Variants in SLC4A8 observed in about 807,000 individuals in gnomAD.
The protein encoded by SLC4A8 is electroneutral sodium bicarbonate exchanger 1.
SLC4A8 carries 40 observed loss-of-function variants against 125.0 expected under a neutral mutation model. That is an observed-to-expected ratio of 0.32 (90% CI 0.25 to 0.42). The LOEUF (loss-of-function observed/expected upper bound fraction) is 0.42. Ranked by LOEUF, SLC4A8 falls within the 10% of genes least tolerant of loss-of-function variation. The pLI is 1.00. For missense variants in SLC4A8, 863 were observed against 1,355.1 expected (o/e 0.64, Z 5.70); for synonymous variants, 456 against 476.0 (o/e 0.96, Z 0.55).
At chr12:51,394,674 C>T (rs146379513) in intron 1 of SLC4A8, among the ~76,000 whole-genome samples, 40 of 152,170 alleles carry the variant, frequency 2.6e-4, no homozygotes, top group Middle Eastern at 3.4e-3. Context: ...ACAACAGGCA[C>T]GGGGGCCCAC....
chr12:51,502,927 T>C (rs1479045868), intron 22 of SLC4A8, among the ~76,000 whole-genome samples: 4 of 150,834 alleles, frequency 2.7e-5, no homozygotes, highest in South Asian at 4.2e-4. Context: ...CTGCAAGCTC[T>C]GCCTCCCAGG....
At chr12:51,437,960 G>T (rs1249080477) in intron 1 of SLC4A8, among the ~76,000 whole-genome samples, 1 of 152,040 alleles carries the variant, frequency 6.6e-6, no homozygotes, top group Non-Finnish European at 1.5e-5. Context: ...GATAGGATAG[G>T]TGCCATTATA....
At chr12:51,502,264 C>G (rs771358711) in intron 22 of SLC4A8, 2 of 152,280 alleles carry the variant, frequency 1.3e-5, no homozygotes, top group Admixed American at 6.5e-5. Context: ...GAGACAGAGT[C>G]TTGCTCTGTC....
chr12:51,486,100 A>G (rs1951155810), intron 17 of SLC4A8, among the ~76,000 whole-genome samples, 200 bp downstream of exon 17: 1 of 152,202 alleles, frequency 6.6e-6, no homozygotes, highest in African/African-American at 2.4e-5. Context: ...GAGAACAGAA[A>G]AACCAAGGTT....
At chr12:51,473,596 G>C (rs1302930896) in intron 14 of SLC4A8, among the ~76,000 whole-genome samples, 1 of 152,194 alleles carries the variant, frequency 6.6e-6, no homozygotes, top group Non-Finnish European at 1.5e-5. Flanking sequence ...TAAATTCACA[G>C]ACCATACAAA....
upstream of SLC4A8, chr12:51,421,884 C>T (rs1948796716): frequency 6.6e-6 from 1 of 152,330 alleles, no homozygotes; most frequent in South Asian, 2.1e-4. Flanking sequence ...AGAAGCTCTC[C>T]CTATCCCATG....
chr12:51,458,540 T>C lies in SLC4A8; in HGVS notation c.764-19T>C, dbSNP rs1404388065. The C allele has an allele frequency of 1.3e-6, 2 of 1,593,044 alleles. No individual in the cohort carries two copies. Among genetic ancestry groups the C allele is most frequent in the Admixed American group, 1.7e-5 (1 of 59,962 alleles). Reference sequence around the variant, plus strand: ...AAAAGGGCAGGGACTCAGGATTTTGTTTTATTTTCTCCAAATAGGTCAAAC... The same window carrying C: ...AAAAGGGCAGGGACTCAGGATTTTGCTTTATTTTCTCCAAATAGGTCAAAC... On this transcript the variant is annotated intron_variant, in intron 6 of 24. Transcript: ENST00000453097.
At chr12:51,462,247 C>A in intron 9 of SLC4A8, 63 bp from the exon 10 acceptor site, 1 of 1,393,504 alleles carries the variant, frequency 7.2e-7, no homozygotes, top group Non-Finnish European at 1.0e-6. Flanking sequence ...TCACCATATC[C>A]ATTGGTGATT....
At position 51,450,941 on chromosome 12, in the gene SLC4A8, A is replaced by C. The variant is rs745332713; in HGVS notation, c.196A>C (p.Thr66Pro). The change falls in exon 3 of 25, where the codon ACT becomes CCT. Residue 66 changes from threonine to proline, a missense_variant. By Grantham distance (38) the Thr-to-Pro change is conservative. This residue lies in a region of SLC4A8 where 104 missense variants were observed against 116.4 expected (regional missense o/e 0.89). Coordinates refer to ENST00000453097, the MANE Select transcript of SLC4A8 (RefSeq NM_001039960.3). ...LGRQSHRHHR[T>P]HGQKHRRRGR... is the part of the protein sequence containing the mutation. Reference sequence around the variant, plus strand: ...CCGGCAGAGCCATCGGCATCACCGCACTCATGGCCAGAAGCACCGGAGACG... The same window carrying C: ...CCGGCAGAGCCATCGGCATCACCGCCCTCATGGCCAGAAGCACCGGAGACG... The C allele has an allele frequency of 2.5e-6, 4 of 1,606,928 alleles. No homozygotes were observed. Among genetic ancestry groups the C allele is most frequent in the Non-Finnish European group, 3.4e-6 (4 of 1,176,296 alleles).
Position 51,400,726 on chromosome 12 carries a change from TTATA to T in SLC4A8, c.-112+9287_-112+9290del, listed in dbSNP as rs869058430. On this transcript the variant is annotated intron_variant, in intron 1 of 24. Transcript: ENST00000358657. Reference sequence around the variant, plus strand: ...TTGAGAGGAGTGTGAATGAACTCCTTTATATATATATATATATATATATATATAT... The same window carrying T: ...TTGAGAGGAGTGTGAATGAACTCCTTTATATATATATATATATATATATAT... Among the ~76,000 whole-genome samples the T allele has an allele frequency of 3.2e-3, 134 of 41,824 alleles. 1 individual carries two copies. The highest frequency in any genetic ancestry group is 0.013 in the Middle Eastern group (1 of 76). The allele number at this position is 41,824 out of a possible 152,430, so 27.4% of individuals were successfully genotyped here. A position where few individuals can be genotyped will look rare whatever the true frequency, so the allele number is the denominator to read the frequency against.
At chr12:51,472,138 G>A (rs910617760) in intron 14 of SLC4A8, among the ~76,000 whole-genome samples, 5 of 152,116 alleles carry the variant, frequency 3.3e-5, no homozygotes, top group Admixed American at 2.0e-4. Flanking sequence ...AAAGAAACAC[G>A]GTACCTGGCT....
At chr12:51,471,118 C>T (rs1382444145) in intron 13 of SLC4A8, among the ~76,000 whole-genome samples, 169 bp from the exon 14 acceptor site, 1 of 152,008 alleles carries the variant, frequency 6.6e-6, no homozygotes, top group Non-Finnish European at 1.5e-5. Context: ...TGAGGCAAAT[C>T]TGTATCATAA....
Position 51,404,691 on chromosome 12 carries a change from C to A in SLC4A8, c.-112+13203C>A, listed in dbSNP as rs369525743. ...GACCGTGAAGCCAACGCTGAGAAAG[C>A]AGAGAAAGATAAAGAATGAGAGGAC... is the stretch of plus-strand genomic sequence containing the variant. On this transcript the variant is annotated intron_variant, in intron 1 of 24. Coordinates refer to the SLC4A8 transcript ENST00000358657. Among the ~76,000 whole-genome samples the A allele has an allele frequency of 3.3e-5, 5 of 152,288 alleles. No individual in the cohort carries two copies. In the East Asian group the frequency reaches 7.7e-4, roughly 23 times the overall value.
chr12:51,469,215 G>A (rs2138290294), intron 11 of SLC4A8: 1 of 158,848 alleles, frequency 6.3e-6, no homozygotes, highest in Middle Eastern at 3.2e-3. Flanking sequence ...AAGTACATGT[G>A]ATAGGGGCTT....
intron 18 of SLC4A8, 130 bp downstream of exon 18, chr12:51,488,990 T>C: frequency 1.5e-6 from 1 of 675,360 alleles, no homozygotes; most frequent in South Asian, 2.1e-5. Context: ...GTTTCCATTC[T>C]TTAATAACAA....
rs745866855 is a variant in SLC4A8 at position 51,474,485 on chromosome 12, C to A, written c.2010+38C>A. 10 of 1,599,698 alleles carry A rather than the reference C, an allele frequency of 6.3e-6. No homozygotes were observed. The Admixed American group carries it at 1.7e-4, about 28-fold the overall frequency. On this transcript the variant is annotated intron_variant, in intron 15 of 24. Transcript: ENST00000453097. The stretch of plus-strand genomic sequence containing the variant: ...GCTGCCAGATGTCCTAGCATTGTGA[C>A]CACAGGTTTAGGAGGGACTTCTAAG...
At chr12:51,495,417 C>A (rs188137027) in intron 21 of SLC4A8, among the ~76,000 whole-genome samples, 1 of 151,292 alleles carries the variant, frequency 6.6e-6, no homozygotes, top group African/African-American at 2.4e-5. Context: ...ATAAGTGAAT[C>A]ACAGAATTTG....
At chr12:51,449,352 GA>G (rs1278464562) in intron 2 of SLC4A8, among the ~76,000 whole-genome samples, 3 of 151,552 alleles carry the variant, frequency 2.0e-5, no homozygotes, top group Admixed American at 1.3e-4. Context: ...TTGAACTTGG[GA>G]ATTCAAGGCT....
intron 1 of SLC4A8, among the ~76,000 whole-genome samples, chr12:51,412,029 T>C (rs1449514490): frequency 6.6e-6 from 1 of 152,204 alleles, no homozygotes; most frequent in Non-Finnish European, 1.5e-5. Context: ...GCCACTATAC[T>C]CCAGCCTGAG....
Sources: gnomAD v4.1 joint callset for allele counts (sites outside exome capture counted in the v4.1 genomes callset) on GRCh38, gnomAD v4.1.1 for gene constraint, gnomAD v4.1.1 regional missense constraint, MANE v1.5 for transcripts, NCBI Gene and HGNC (gene_info 2026-07-23, HGNC 2026-07-21) for gene names.